The following ZNF717 variants were observed in gnomAD, a reference collection of about 807,000 sequenced individuals.
ZNF717 encodes zinc finger protein 717.
A neutral mutation model predicts 13.8 loss-of-function variants in ZNF717; 9 were observed. The ratio of observed to expected loss-of-function variants is 0.65; its 90% CI spans 0.39 to 1.14. The LOEUF (loss-of-function observed/expected upper bound fraction) is 1.14, where lower values mean the gene tolerates loss of function less well. ZNF717 is among the 50% of genes most tolerant of loss of function. ZNF717 has a pLI of 0.01. For missense variants in ZNF717, 1,040 were observed against 1,080.7 expected (o/e 0.96, Z 0.53); for synonymous variants, 327 against 364.1 (o/e 0.90, Z 1.16).
chr3:75,768,003 T>C (rs995071246), intron 2 of ZNF717, among the ~76,000 whole-genome samples: 1 of 151,770 alleles, frequency 6.6e-6, no homozygotes, highest in Non-Finnish European at 1.5e-5. Context: ...ACATGGAGAA[T>C]GACAAGAGCC....
chr3:75,759,420 C>A (rs1427653476), intron 2 of ZNF717, among the ~76,000 whole-genome samples: 1 of 151,352 alleles, frequency 6.6e-6, no homozygotes, highest in Non-Finnish European at 1.5e-5. Context: ...GAAGTACAGG[C>A]ACCCGCCACA....
intron 5 of ZNF717, among the ~76,000 whole-genome samples, chr3:75,715,586 TTTC>T (rs1938032264): frequency 6.6e-6 from 1 of 152,236 alleles, no homozygotes; most frequent in African/African-American, 2.4e-5. Flanking sequence ...TAAATTTATA[TTTC>T]TTATTTTTTC....
intron 2 of ZNF717, among the ~76,000 whole-genome samples, chr3:75,767,362 G>A (rs1273355900): frequency 6.6e-6 from 1 of 152,226 alleles, no homozygotes; most frequent in East Asian, 1.9e-4. Flanking sequence ...GACTCTCTAA[G>A]CCAAAAAACA....
At chr3:75,735,058 C>G (rs1398278495), downstream of ZNF717, among the ~76,000 whole-genome samples, 1 of 152,180 alleles carries the variant, frequency 6.6e-6, no homozygotes, top group East Asian at 1.9e-4. Flanking sequence ...ATCTCCTGAC[C>G]TCATGATCCA....
At chr3:75,731,227 A>G (rs1162124225), downstream of ZNF717, among the ~76,000 whole-genome samples, 7 of 152,158 alleles carry the variant, frequency 4.6e-5, no homozygotes, top group Non-Finnish European at 1.0e-4. Context: ...AAATACAAAT[A>G]TTAGCGAAGT....
chr3:75,747,240 C>T (rs1464888699), intron 2 of ZNF717, among the ~76,000 whole-genome samples: 1 of 152,052 alleles, frequency 6.6e-6, no homozygotes, highest in Non-Finnish European at 1.5e-5. Flanking sequence ...GGTACCAGTA[C>T]CATGCTGTTT....
chr3:75,758,422 CAGTT>C (rs1426907897), intron 2 of ZNF717, among the ~76,000 whole-genome samples: 1 of 149,150 alleles, frequency 6.7e-6, no homozygotes, highest in Non-Finnish European at 1.5e-5. Flanking sequence ...AGAATAAACT[CAGTT>C]GGTACAGCAG....
rs201660666 is a variant in ZNF717 at position 75,779,087 on chromosome 3, T to TA, written c.57+4218dup. ...ACCCAAAACAATGGGAGTGACCTGC[T>TA]AAACTAGGAACCCAAAACAATGGGA... On this transcript the variant is annotated intron_variant, in intron 2 of 4. Transcript: ENST00000652011. Among the ~76,000 whole-genome samples the TA allele has an allele frequency of 1.3e-3, 198 of 149,496 alleles. 3 individuals carry two copies. In the East Asian group the frequency reaches 0.034, roughly 26 times the overall value.
intron 4 of ZNF717, among the ~76,000 whole-genome samples, 178 bp downstream of exon 4, chr3:75,741,096 AAG>A (rs1304819622): frequency 2.0e-5 from 3 of 152,246 alleles, no homozygotes; most frequent in Admixed American, 2.0e-4. Flanking sequence ...TCAGAAAAAT[AAG>A]AGACTGGGAT....
At chr3:75,731,671 G>A (rs1430616296), downstream of ZNF717, among the ~76,000 whole-genome samples, 3 of 152,208 alleles carry the variant, frequency 2.0e-5, no homozygotes, top group African/African-American at 7.2e-5. Flanking sequence ...CCAGCACTTT[G>A]GGAGGCCAAA....
At chr3:75,740,733 G>A (rs1940297914) in intron 4 of ZNF717, among the ~76,000 whole-genome samples, 1 of 151,074 alleles carries the variant, frequency 6.6e-6, no homozygotes, top group African/African-American at 2.4e-5. Flanking sequence ...TGGGAGGCTA[G>A]GGTGTGAGGA....
chr3:75,696,892 C>CAAA (rs142213799), intron 6 of ZNF717, among the ~76,000 whole-genome samples: 123 of 60,060 alleles, frequency 2.0e-3, no homozygotes, highest in East Asian at 4.8e-3. Flanking sequence ...GACTTCATCT[C>CAAA]AAAAAAAAAA....
chr3:75,764,384 G>A (rs1311481160), intron 2 of ZNF717, among the ~76,000 whole-genome samples: 2 of 152,158 alleles, frequency 1.3e-5, no homozygotes, highest in Non-Finnish European at 2.9e-5. Context: ...TAAACTTAGA[G>A]ACAATTAGAA....
chr3:75,700,323 G>T (rs1430453742), intron 6 of ZNF717, among the ~76,000 whole-genome samples: 1 of 151,092 alleles, frequency 6.6e-6, no homozygotes, highest in Non-Finnish European at 1.5e-5. Context: ...AACCCAGGAG[G>T]CAGAGGTTGC....
chr3:75,714,319 C>T (rs74197279), intron 5 of ZNF717, among the ~76,000 whole-genome samples: 6 of 151,742 alleles, frequency 4.0e-5, no homozygotes, highest in Middle Eastern at 3.4e-3. Context: ...GCTTAGGTCA[C>T]GGGCATCTTC....
downstream of ZNF717, among the ~76,000 whole-genome samples, chr3:75,707,494 T>A (rs1475674978): frequency 6.6e-6 from 1 of 152,302 alleles, no homozygotes; most frequent in Non-Finnish European, 1.5e-5. Context: ...TGAATAGGAT[T>A]GGCTCTGGTC....
In ZNF717 at chr3:75,737,613, CGTGT is replaced by C; in HGVS notation, c.2006_2009del (p.His669ArgfsTer8). 6.5e-7 allele frequency: 1 copy of C among 1,543,450 alleles called. No individual in the cohort carries two copies. The highest frequency in any genetic ancestry group is 2.5e-5 in the East Asian group (1 of 40,382). On this transcript the variant is annotated frameshift_variant, in exon 5 of 5. Coordinates refer to ENST00000652011, the MANE Select transcript of ZNF717 (RefSeq NM_001290208.3). LOFTEE classifies it low-confidence loss of function (END_TRUNC). ...TCATTACATCCATACGGTTTTTCCC[CGTGT>C]GAGTTCTCTGGTGTATGGTGAGGAA...
At chr3:75,743,321 G>C (rs1940713033) in intron 2 of ZNF717, among the ~76,000 whole-genome samples, 1 of 152,152 alleles carries the variant, frequency 6.6e-6, no homozygotes, top group African/African-American at 2.4e-5. Flanking sequence ...TCTTCACAGA[G>C]ACAATCATCT....
intron 2 of ZNF717, among the ~76,000 whole-genome samples, chr3:75,766,825 AATAG>A (rs1210274321): frequency 6.6e-6 from 1 of 152,264 alleles, no homozygotes; most frequent in African/African-American, 2.4e-5. Context: ...ACCAACAACA[AATAG>A]ATATCCAGAA....
Sources: allele counts gnomAD v4.1 joint callset (sites outside exome capture counted in the v4.1 genomes callset), GRCh38; gene constraint gnomAD v4.1.1; transcripts MANE v1.5; gene names NCBI Gene and HGNC (gene_info 2026-07-23, HGNC 2026-07-21).